TOPORS: variants seen among roughly 807,000 people sequenced by gnomAD.
TOPORS encodes E3 ubiquitin-protein ligase Topors.
Under a neutral mutation model 81.4 loss-of-function variants are expected in TOPORS, and 25 were observed. The ratio of observed to expected loss-of-function variants is 0.31; its 90% CI spans 0.22 to 0.43. The LOEUF is 0.43. Ranked by LOEUF, TOPORS falls within the 20% of genes least tolerant of loss-of-function variation. TOPORS has a pLI of 1.00. For missense variants in TOPORS, 1,101 were observed against 1,267.0 expected (o/e 0.87, Z 1.99); for synonymous variants, 473 against 456.6 (o/e 1.04, Z -0.46).
In TOPORS at chr9:32,542,685, T is replaced by A; in HGVS notation, c.1840A>T (p.Asn614Tyr). ...SQSRSGHDQKNHRKHHGKKRM... is the reference protein window; with the variant it reads ...SQSRSGHDQKYHRKHHGKKRM... Reference sequence around the variant, plus strand: ...TTCTTCCCATGATGCTTTCTATGATTCTTCTGATCATGCCCACTTCTACTC... The same window carrying A: ...TTCTTCCCATGATGCTTTCTATGATACTTCTGATCATGCCCACTTCTACTC... Residue 614 changes from asparagine to tyrosine, a missense_variant, in exon 3 of 3, where the codon AAT becomes TAT. Asn to Tyr is a moderately radical substitution (Grantham distance 143). Around this residue, in one of 9 missense-constraint regions of TOPORS, gnomAD observed 605 missense variants for 636.1 expected, o/e 0.95. Transcript: ENST00000360538. 1.2e-6 allele frequency: 2 copies of A among 1,614,108 alleles called. No individual in the cohort carries two copies. The highest frequency in any genetic ancestry group is 1.7e-6 in the Non-Finnish European group (2 of 1,180,022).
At chr9:32,544,982 C>G (rs1483086054) in intron 2 of TOPORS, among the ~76,000 whole-genome samples, 1 of 152,208 alleles carries the variant, frequency 6.6e-6, no homozygotes, top group Non-Finnish European at 1.5e-5. Flanking sequence ...GGTGACATAA[C>G]TTACATACCA....
rs1821103616 is a variant in TOPORS, at chr9:32,543,655, T to C, written c.870A>G (p.Pro290=). Reference sequence around the variant, plus strand: ...AGGGGACTAATCTGTGAAGGCAAGCTGGATTTCTACGGAAAAATTCAGCTG... The same window carrying C: ...AGGGGACTAATCTGTGAAGGCAAGCCGGATTTCTACGGAAAAATTCAGCTG... The part of the protein sequence containing the change: ...DISAEFFRRN[P]ACLHRLVPWL... Residue 290 remains proline, a synonymous_variant, in exon 3 of 3, where the codon CCA becomes CCG. Coordinates refer to ENST00000360538, the MANE Select transcript of TOPORS (RefSeq NM_005802.5). The surrounding 1 kb of genome is among the most constrained non-coding windows in gnomAD (Gnocchi z 5.6). The C allele has an allele frequency of 1.2e-6, 2 of 1,613,044 alleles. No individual in the cohort carries two copies. Among genetic ancestry groups the C allele is most frequent in the Non-Finnish European group, 1.7e-6 (2 of 1,179,674 alleles).
In TOPORS at chr9:32,552,131, C is replaced by G. The variant is rs569220600; in HGVS notation, c.3+303G>C. On this transcript the variant is annotated intron_variant, in intron 1 of 2. Coordinates refer to ENST00000360538, the MANE Select transcript of TOPORS (RefSeq NM_005802.5). ...ATCCTGCATTAATATTGCATTGCAACTAGAAAGAAAACCAGTGGAGGTACG... is the reference window on the plus strand; with the variant it reads ...ATCCTGCATTAATATTGCATTGCAAGTAGAAAGAAAACCAGTGGAGGTACG... The G allele has an allele frequency of 1.4e-5, 8 of 564,116 alleles. No homozygotes were observed. In the South Asian group the frequency reaches 1.7e-4, roughly 12 times the overall value. 34.9% of individuals were successfully genotyped at this position (564,116 alleles called of 1,614,324 possible).
In TOPORS at chr9:32,541,788, C is replaced by T. The variant is rs1441632515; in HGVS notation, c.2737G>A (p.Asp913Asn). Residue 913 changes from aspartate (D) to asparagine (N), a missense_variant, in exon 3 of 3, where the codon GAC becomes AAC. Asp to Asn is a conservative substitution (Grantham distance 23, BLOSUM62 1). Coordinates refer to ENST00000360538, the MANE Select transcript of TOPORS (RefSeq NM_005802.5). ...RSPVVITIDS[D>N]SDKDSEVKED... ...TTTACTTCAGAATCCTTATCACTGT[C>T]ACTGTCAATGGTAATTACAACTGGG... 5.0e-6 allele frequency: 8 copies of T among 1,614,084 alleles called. No individual in the cohort carries two copies. The highest frequency in any genetic ancestry group is 2.2e-5 in the East Asian group (1 of 44,892).
intron 1 of TOPORS, 156 bp from the exon 2 acceptor site, chr9:32,551,124 G>T (rs1417822660): frequency 1.5e-5 from 14 of 938,428 alleles, no homozygotes; most frequent in Non-Finnish European, 2.0e-5. Context: ...TCAGCGCACC[G>T]GCCCAAATGC....
At chr9:32,551,316 C>A (rs966957232) in intron 1 of TOPORS, 29 of 444,986 alleles carry the variant, frequency 6.5e-5, no homozygotes, top group Non-Finnish European at 1.1e-4. Context: ...AGGAAATTAT[C>A]TTTAGTGTCT....
chr9:32,550,319 AT>A (rs1369667875), intron 2 of TOPORS, among the ~76,000 whole-genome samples: 1 of 152,224 alleles, frequency 6.6e-6, no homozygotes, highest in Non-Finnish European at 1.5e-5. Context: ...AGCCACGGTG[AT>A]AGTCGTTTAC....
chr9:32,548,551 A>C (rs1194960172), intron 2 of TOPORS, among the ~76,000 whole-genome samples: 1 of 152,058 alleles, frequency 6.6e-6, no homozygotes, highest in Non-Finnish European at 1.5e-5. Context: ...ACACACACAC[A>C]AAAGAGTGGC....
intron 1 of TOPORS, chr9:32,551,954 G>A: frequency 6.4e-6 from 2 of 312,510 alleles, no homozygotes; most frequent in Non-Finnish European, 6.7e-6. Flanking sequence ...ACAGGCGAAC[G>A]TCCATCTAAA....
At chr9:32,550,706 C>A in intron 2 of TOPORS, 68 bp downstream of exon 2, 2 of 1,587,152 alleles carry the variant, frequency 1.3e-6, no homozygotes, top group African/African-American at 1.3e-5. Context: ...AGGCGCCGCT[C>A]CAGGCGGGAG....
chr9:32,547,997 G>A (rs77890531), intron 2 of TOPORS, among the ~76,000 whole-genome samples: 135 of 124,022 alleles, frequency 1.1e-3, no homozygotes, highest in Non-Finnish European at 2.0e-3. Context: ...ACCACGCTCG[G>A]CATTTTTTTT....
At chr9:32,551,666 C>T in intron 1 of TOPORS, 2 of 272,978 alleles carry the variant, frequency 7.3e-6, no homozygotes, top group Non-Finnish European at 8.1e-6. Context: ...CAAATGTGAG[C>T]GCCCCAAACA....
intron 2 of TOPORS, among the ~76,000 whole-genome samples, chr9:32,550,166 A>G (rs1821208190): frequency 6.6e-6 from 1 of 152,202 alleles, no homozygotes; most frequent in South Asian, 2.1e-4. Context: ...TTAAATCACT[A>G]TGTGGCTCAT....
intron 2 of TOPORS, among the ~76,000 whole-genome samples, chr9:32,546,553 AT>A (rs757927172): frequency 7.9e-5 from 12 of 152,228 alleles, no homozygotes; most frequent in Non-Finnish European, 1.8e-4. Context: ...AAGTTAATAC[AT>A]TTTATCTTCA....
rs772122093 is a variant in TOPORS, at chr9:32,542,494, A to G, written c.2031T>C (p.His677=). The G allele has an allele frequency of 1.1e-5, 17 of 1,613,888 alleles. 1 individual carries two copies. The South Asian group carries it at 1.6e-4, about 16-fold the overall frequency. ...TSRSRSRSSD[H]GKRRSRSRNR... Reference sequence around the variant, plus strand: ...TTCTGCTCCGTGATCTTCTTTTACCATGATCACTGCTACGAGACCTTGATC... The same window carrying G: ...TTCTGCTCCGTGATCTTCTTTTACCGTGATCACTGCTACGAGACCTTGATC... The change falls in exon 3 of 3, where the codon CAT becomes CAC. Residue 677 remains histidine, a synonymous_variant. Coordinates refer to ENST00000360538, the MANE Select transcript of TOPORS (RefSeq NM_005802.5).
intron 1 of TOPORS, 186 bp downstream of exon 1, chr9:32,552,248 C>T (rs1260703959): frequency 1.3e-6 from 1 of 747,054 alleles, no homozygotes; most frequent in Non-Finnish European, 2.3e-6. Flanking sequence ...GCAAGGCCCC[C>T]GATCACGTGA....
At chr9:32,551,865 G>A (rs990735416) in intron 1 of TOPORS, 46 of 418,622 alleles carry the variant, frequency 1.1e-4, no homozygotes, top group African/African-American at 7.5e-4. Context: ...CGTTTCTGAA[G>A]AATGGCTCGA....
Position 32,543,751 on chromosome 9 carries a change from A to G in TOPORS, c.774T>C (p.Phe258=), listed in dbSNP as rs1821105512. The G allele has an allele frequency of 1.2e-6, 2 of 1,611,730 alleles. No individual in the cohort carries two copies. The highest frequency in any genetic ancestry group is 8.5e-7 in the Non-Finnish European group (1 of 1,178,422). The part of the protein sequence containing the change: ...RKIQEQDIIN[F]RRTLYRAGAR... ...CACCAGCACGATAAAGAGTTCGTCT[A>G]AAATTAATAATATCTTGTTCTTGAA... is the stretch of plus-strand genomic sequence containing the variant. Residue 258 remains phenylalanine (F), a synonymous_variant, in exon 3 of 3, where the codon TTT becomes TTC. Coordinates refer to ENST00000360538, the MANE Select transcript of TOPORS (RefSeq NM_005802.5). This position sits in a 1 kb window ranked among gnomAD's most constrained non-coding sequence, Gnocchi z 5.6.
At chr9:32,546,195 T>C (rs1821138788) in intron 2 of TOPORS, among the ~76,000 whole-genome samples, 1 of 152,244 alleles carries the variant, frequency 6.6e-6, no homozygotes, top group South Asian at 2.1e-4. Flanking sequence ...AAATACATAA[T>C]ACTGCTTTTT....
Sources: gnomAD v4.1 joint callset for allele counts (sites outside exome capture counted in the v4.1 genomes callset) on GRCh38, gnomAD v4.1.1 for gene constraint, gnomAD v4.1.1 regional missense constraint, Gnocchi (gnomAD v3.1) non-coding constraint, MANE v1.5 for transcripts, NCBI Gene and HGNC (gene_info 2026-07-23, HGNC 2026-07-21) for gene names.